NDUFB5: variants seen among roughly 807,000 people sequenced by gnomAD.
The protein encoded by NDUFB5 is NADH:ubiquinone oxidoreductase subunit B5, also known as NADH dehydrogenase [ubiquinone] 1 beta subcomplex subunit 5, mitochondrial.
In NDUFB5, 19 loss-of-function variants were observed where a neutral mutation model predicts 19.4. That is an observed-to-expected ratio of 0.98 (90% CI 0.68 to 1.43). NDUFB5 has a LOEUF of 1.43. Among genes scored for constraint, NDUFB5 ranks in the 40% most tolerant of loss-of-function variants. The pLI, the probability that NDUFB5 is intolerant of heterozygous loss-of-function variation, is 0.00. For synonymous variants in NDUFB5, 80 were observed against 82.6 expected (o/e 0.97, Z 0.17); for missense variants, 233 against 236.5 (o/e 0.99, Z 0.10).
At chr3:179,611,689 TGTGCCCG>T in intron 1 of NDUFB5, among the ~76,000 whole-genome samples, 1 of 151,938 alleles carries the variant, frequency 6.6e-6, no homozygotes, top group South Asian at 2.1e-4. Flanking sequence ...TGTGAGCCAC[TGTGCCCG>T]GCCCAGTTGT....
intron 1 of NDUFB5, chr3:179,614,702 T>C (rs1438076258): frequency 2.1e-5 from 4 of 192,310 alleles, no homozygotes; most frequent in Non-Finnish European, 4.2e-5. Flanking sequence ...CCTGGCCTTA[T>C]TACTCAAATA....
rs535276520 is a variant in NDUFB5 at position 179,609,402 on chromosome 3, C to T, written c.124+4463C>T. 2.0e-5 allele frequency among the ~76,000 whole-genome samples: 3 copies of T among 152,290 alleles called. No individual in the cohort carries two copies. In the East Asian group the frequency reaches 5.8e-4, roughly 29 times the overall value. Reference sequence around the variant, plus strand: ...GGCAGCACAGCAGAGAAGGGGCTATCTGCAGAGTCAGGGACTGGAGGGAAG... The same window carrying T: ...GGCAGCACAGCAGAGAAGGGGCTATTTGCAGAGTCAGGGACTGGAGGGAAG... On this transcript the variant is annotated intron_variant, in intron 1 of 5. Transcript: ENST00000259037.
At chr3:179,616,827 T>G (rs1293639192) in intron 3 of NDUFB5, 156 bp from the exon 4 acceptor site, 1 of 608,762 alleles carries the variant, frequency 1.6e-6, no homozygotes, top group Non-Finnish European at 2.9e-6. Flanking sequence ...TTCAACCAGA[T>G]TAAAGTGAAT....
chr3:179,618,774 C>T (rs941591990), intron 5 of NDUFB5, among the ~76,000 whole-genome samples: 2 of 151,980 alleles, frequency 1.3e-5, no homozygotes, highest in African/African-American at 4.8e-5. Context: ...TCACTTCAAC[C>T]TAGGAGGCAG....
rs1176194200 is a variant in NDUFB5 at position 179,626,050 on chromosome 3, A to G, written c.*2010A>G. The G allele has an allele frequency of 6.6e-6, 1 of 152,156 alleles. No individual in the cohort carries two copies. The highest frequency in any genetic ancestry group is 1.5e-5 in the Non-Finnish European group (1 of 68,028). 9.4% of individuals were successfully genotyped at this position (152,156 alleles called of 1,614,324 possible). A position where few individuals can be genotyped will look rare whatever the true frequency, so the allele number is the denominator to read the frequency against. The stretch of plus-strand genomic sequence containing the variant: ...GTTGTACTACTGTACATTCCTACCA[A>G]TGGTGGATGAGCGTTCCCCTTTCTC... On this transcript the variant is annotated 3_prime_UTR_variant, in exon 6 of 6. Transcript: ENST00000259037.
intron 4 of NDUFB5, among the ~76,000 whole-genome samples, chr3:179,617,680 G>A (rs1029607021): frequency 1.4e-4 from 22 of 152,254 alleles, no homozygotes; most frequent in Non-Finnish European, 2.6e-4. Context: ...CACCTACTAT[G>A]TAACAGGTAC....
rs139346713 is a variant in NDUFB5 at position 179,613,409 on chromosome 3, C to T, written c.125-1562C>T. Among the ~76,000 whole-genome samples the T allele has an allele frequency of 7.0e-4, 107 of 152,216 alleles. No homozygotes were observed. The East Asian group carries it at 0.018, about 25-fold the overall frequency. On this transcript the variant is annotated intron_variant, in intron 1 of 5. Coordinates refer to ENST00000259037, the MANE Select transcript of NDUFB5 (RefSeq NM_002492.4). ...TATCCTATTTCTTTCCCTTGTTACCCTTACAGATTTGTAATTACTTGTGTA... is the reference window on the plus strand; with the variant it reads ...TATCCTATTTCTTTCCCTTGTTACCTTTACAGATTTGTAATTACTTGTGTA...
At chr3:179,616,501 C>G (rs1719381219) in intron 3 of NDUFB5, among the ~76,000 whole-genome samples, 3 of 152,152 alleles carry the variant, frequency 2.0e-5, no homozygotes, top group African/African-American at 4.8e-5. Flanking sequence ...GAGATGGCGC[C>G]ATCGCACTCC....
chr3:179,616,270 C>T (rs920358451), intron 3 of NDUFB5, among the ~76,000 whole-genome samples: 1 of 152,184 alleles, frequency 6.6e-6, no homozygotes, highest in African/African-American at 2.4e-5. Flanking sequence ...CGGCCAGGCA[C>T]AGTGGCTCAC....
At chr3:179,621,154 T>C (rs754049124) in intron 5 of NDUFB5, among the ~76,000 whole-genome samples, 6 of 152,050 alleles carry the variant, frequency 3.9e-5, no homozygotes, top group Middle Eastern at 3.2e-3. Context: ...CTTGACTCAC[T>C]GCAGCCTTGG....
chr3:179,615,268 AC>A (rs1719347827), intron 2 of NDUFB5: 1 of 353,364 alleles, frequency 2.8e-6, no homozygotes, highest in African/African-American at 2.1e-5. Context: ...AAAAGGATTT[AC>A]ACTAAATGGA....
chr3:179,614,539 A>G (rs1319859731), intron 1 of NDUFB5, among the ~76,000 whole-genome samples: 2 of 152,174 alleles, frequency 1.3e-5, no homozygotes, highest in Non-Finnish European at 2.9e-5. Flanking sequence ...TGCAGAGGAG[A>G]CACAGATGAG....
chr3:179,622,422 C>G (rs1364058303), intron 5 of NDUFB5, among the ~76,000 whole-genome samples: 1 of 152,138 alleles, frequency 6.6e-6, no homozygotes, highest in East Asian at 1.9e-4. Flanking sequence ...GCTAGGACTA[C>G]AGACGTGCCA....
chr3:179,626,213 C>T lies in NDUFB5; in HGVS notation c.*2173C>T, dbSNP rs1217234296. On this transcript the variant is annotated 3_prime_UTR_variant, in exon 6 of 6. Coordinates refer to ENST00000259037, the MANE Select transcript of NDUFB5 (RefSeq NM_002492.4). ...TTTTTTCACATATCTAATGGCCATT[C>T]ATATGTCTTCCTTTGAGAAATGTCT... 1 of 151,954 alleles carries T rather than the reference C, an allele frequency of 6.6e-6. No individual in the cohort carries two copies. The highest frequency in any genetic ancestry group is 2.4e-5 in the African/African-American group (1 of 41,374). 9.4% of individuals were successfully genotyped at this position (151,954 alleles called of 1,614,324 possible).
chr3:179,611,591 G>A (rs1437237302), intron 1 of NDUFB5, among the ~76,000 whole-genome samples: 1 of 151,606 alleles, frequency 6.6e-6, no homozygotes, highest in African/African-American at 2.4e-5. Context: ...GTAGAGACAG[G>A]GTTTCACCAT....
In NDUFB5 at chr3:179,624,005, A is replaced by G. The variant is rs763981215; in HGVS notation, c.535A>G (p.Ile179Val). ...YYYETIDKEL[I>V]DHSPKATPDN Reference sequence around the variant, plus strand: ...CTATGAGACAATTGACAAGGAACTTATTGATCATTCTCCGAAAGCAACTCC... The same window carrying G: ...CTATGAGACAATTGACAAGGAACTTGTTGATCATTCTCCGAAAGCAACTCC... Residue 179 changes from isoleucine (I) to valine (V), a missense_variant, in exon 6 of 6, where the codon ATT (isoleucine) becomes GTT (valine). Coordinates refer to ENST00000259037, the MANE Select transcript of NDUFB5 (RefSeq NM_002492.4). The G allele has an allele frequency of 1.9e-5, 31 of 1,613,886 alleles. No homozygotes were observed. The Admixed American group carries it at 4.0e-4, about 21-fold the overall frequency.
chr3:179,618,353 C>A, intron 4 of NDUFB5, 62 bp from the exon 5 acceptor site: 2 of 1,057,232 alleles, frequency 1.9e-6, no homozygotes, highest in Non-Finnish European at 2.8e-6. Flanking sequence ...AAAGAATAGT[C>A]AACTAGAAAA....
At position 179,608,436 on chromosome 3, in the gene NDUFB5, G is replaced by A. The variant is rs535950097; in HGVS notation, c.124+3497G>A. Among the ~76,000 whole-genome samples the A allele has an allele frequency of 1.2e-3, 181 of 152,098 alleles. 2 individuals carry two copies. Among genetic ancestry groups the A allele is most frequent in the Non-Finnish European group, 2.9e-4 (20 of 67,984 alleles). Reference sequence around the variant, plus strand: ...TTGAACTCCCGGCCTCAGGTGATCCGCCCGCCTTGGCCTCCCAAAGTGCTG... The same window carrying A: ...TTGAACTCCCGGCCTCAGGTGATCCACCCGCCTTGGCCTCCCAAAGTGCTG... On this transcript the variant is annotated intron_variant, in intron 1 of 5. Coordinates refer to ENST00000259037, the MANE Select transcript of NDUFB5 (RefSeq NM_002492.4).
rs200766971 is a variant in NDUFB5, at chr3:179,624,001, A to G, written c.531A>G (p.Glu177=). ...ATTACTATGAGACAATTGACAAGGA[A>G]CTTATTGATCATTCTCCGAAAGCAA... ...PWYYYETIDK[E]LIDHSPKATP... The change falls in exon 6 of 6, where the codon GAA becomes GAG. Residue 177 remains glutamate (E), a synonymous_variant. Coordinates refer to ENST00000259037, the MANE Select transcript of NDUFB5 (RefSeq NM_002492.4). 5.6e-6 allele frequency: 9 copies of G among 1,614,030 alleles called. No homozygotes were observed. The Admixed American group carries it at 1.3e-4, about 24-fold the overall frequency.
Sources: allele counts gnomAD v4.1 joint callset (sites outside exome capture counted in the v4.1 genomes callset), GRCh38; gene constraint gnomAD v4.1.1; transcripts MANE v1.5; gene names NCBI Gene and HGNC (gene_info 2026-07-23, HGNC 2026-07-21).